MORN1: variants seen among roughly 807,000 people sequenced by gnomAD.
MORN1 encodes the protein MORN repeat containing 1.
In MORN1, 67 loss-of-function variants were observed where a neutral mutation model predicts 61.9. The observed-to-expected ratio is 1.08, with a 90% confidence interval of 0.89 to 1.33. The LOEUF is 1.33. Among genes scored for constraint, MORN1 ranks in the 40% most tolerant of loss-of-function variants. MORN1 has a pLI of 0.00. For synonymous variants in MORN1, 301 were observed against 292.0 expected (o/e 1.03, Z -0.31); for missense variants, 752 against 691.2 (o/e 1.09, Z -0.99).
chr1:2,349,830 C>T (rs1427115565), intron 10 of MORN1, among the ~76,000 whole-genome samples: 1 of 152,166 alleles, frequency 6.6e-6, no homozygotes, highest in East Asian at 1.9e-4. Flanking sequence ...ATTTGTCCAA[C>T]ACGTGTAAGA....
intron 10 of MORN1, among the ~76,000 whole-genome samples, chr1:2,349,878 G>T (rs969757691): frequency 3.9e-5 from 6 of 152,242 alleles, no homozygotes; most frequent in African/African-American, 1.4e-4. Flanking sequence ...TCACTGGGAG[G>T]GTTTTGTGCA....
intron 12 of MORN1, among the ~76,000 whole-genome samples, chr1:2,324,932 A>C (rs1157767076): frequency 6.6e-6 from 1 of 151,412 alleles, no homozygotes; most frequent in Non-Finnish European, 1.5e-5. Flanking sequence ...GGACGTGGCC[A>C]TGGCCCTGGC....
intron 6 of MORN1, chr1:2,376,646 T>C (rs1642244606): frequency 6.6e-6 from 1 of 152,170 alleles, no homozygotes; most frequent in Non-Finnish European, 1.5e-5. Context: ...CTCACGTATG[T>C]GGCACGAGCC....
At chr1:2,378,930 G>A in intron 6 of MORN1, 1 of 458,728 alleles carries the variant, frequency 2.2e-6, no homozygotes, top group Non-Finnish European at 4.4e-6. Flanking sequence ...CTGTGGAAGA[G>A]GAGCCTTCTC....
At chr1:2,321,650 C>A in intron 13 of MORN1, 71 bp from the exon 14 acceptor site, 1 of 1,418,288 alleles carries the variant, frequency 7.1e-7, no homozygotes, top group South Asian at 1.5e-5. Flanking sequence ...AGCCCACTGC[C>A]CACTGTCTCA....
intron 10 of MORN1, among the ~76,000 whole-genome samples, chr1:2,341,122 A>T (rs1220091913): frequency 6.6e-6 from 1 of 151,986 alleles, no homozygotes; most frequent in Non-Finnish European, 1.5e-5. Context: ...GCTCCTCCCG[A>T]CGGAGCCTCT....
rs1029306427 is a variant in MORN1, at chr1:2,385,851, G to A, written c.405C>T (p.Ser135=). Residue 135 remains serine, a synonymous_variant, in exon 5 of 14, where the codon TCC becomes TCT. Coordinates refer to ENST00000378531, the MANE Select transcript of MORN1 (RefSeq NM_024848.3). Reference sequence around the variant, plus strand: ...GGCCGTGCCTCTTGTTGTCATGGAAGGAGCCCTGGTACACTTGTCCATCCC... The same window carrying A: ...GGCCGTGCCTCTTGTTGTCATGGAAAGAGCCCTGGTACACTTGTCCATCCC... ...VDRDGQVYQG[S]FHDNKRHGPG... 3 of 1,613,850 alleles carry A rather than the reference G, an allele frequency of 1.9e-6. No homozygotes were observed. The highest frequency in any genetic ancestry group is 1.7e-5 in the Admixed American group (1 of 60,006).
rs1641301296 is a variant in MORN1, at chr1:2,337,251, T to C, written c.1037-401A>G. ...TCAACAGTACAGCTGTGTGCCCTCC[T>C]CGGAGCGCAGCATGAGGAGGAAGAT... On this transcript the variant is annotated intron_variant, in intron 10 of 13. Coordinates refer to ENST00000378531, the MANE Select transcript of MORN1 (RefSeq NM_024848.3). The surrounding 1 kb of genome is among the most constrained non-coding windows in gnomAD (Gnocchi z 5.7). 6.6e-6 allele frequency among the ~76,000 whole-genome samples: 1 copy of C among 152,130 alleles called. No individual in the cohort carries two copies. Among genetic ancestry groups the C allele is most frequent in the Non-Finnish European group, 1.5e-5 (1 of 68,010 alleles).
chr1:2,384,240 CAACCTT>C (rs1642435972), intron 6 of MORN1, among the ~76,000 whole-genome samples: 1 of 152,166 alleles, frequency 6.6e-6, no homozygotes, highest in Non-Finnish European at 1.5e-5. Context: ...GCTCAGGCAC[CAACCTT>C]GACTCTTCTC....
intron 10 of MORN1, among the ~76,000 whole-genome samples, chr1:2,345,491 A>G (rs1211921560): frequency 6.6e-6 from 1 of 152,176 alleles, no homozygotes; most frequent in Non-Finnish European, 1.5e-5. Context: ...CAGGCTCTGC[A>G]CCGGGGGACC....
chr1:2,384,589 C>T (rs111752921), intron 6 of MORN1, among the ~76,000 whole-genome samples: 36 of 152,358 alleles, frequency 2.4e-4, no homozygotes, highest in African/African-American at 5.8e-4. Context: ...ATCGCCGAGG[C>T]GCAGAGGCTC....
At chr1:2,321,909 C>G (rs752610726) in intron 13 of MORN1, 155 of 652,556 alleles carry the variant, frequency 2.4e-4, no homozygotes, top group Non-Finnish European at 2.8e-4. Flanking sequence ...CGCTCTCAAG[C>G]CCCCACTGCT....
intron 12 of MORN1, 54 bp from the exon 13 acceptor site, chr1:2,324,197 A>G (rs2100217220): frequency 3.3e-6 from 5 of 1,536,126 alleles, no homozygotes; most frequent in South Asian, 2.4e-5. Context: ...CCCCGACGAC[A>G]TGGCATCCCT....
intron 10 of MORN1, chr1:2,355,421 G>A: frequency 1.3e-6 from 2 of 1,550,376 alleles, no homozygotes; most frequent in East Asian, 2.4e-5. Flanking sequence ...TCTCACAGCT[G>A]TTGTCTGGAA....
intron 10 of MORN1, chr1:2,355,497 C>G (rs567231040): frequency 5.2e-6 from 8 of 1,549,758 alleles, no homozygotes; most frequent in Non-Finnish European, 7.0e-6. Flanking sequence ...CTCTGAGGCT[C>G]TGGGGCTTCT....
intron 12 of MORN1, chr1:2,332,004 C>CGCCTCTCCCGCCGCTGT (rs1641167735): frequency 3.5e-5 from 6 of 172,716 alleles, no homozygotes; most frequent in East Asian, 1.9e-4. Flanking sequence ...CCCGCCGCTG[C>CGCCTCTCCCGCCGCTGT]GCCTCTCCCG....
chr1:2,325,307 T>C lies in MORN1; in HGVS notation c.1251-1164A>G, dbSNP rs1439526976. 9.4e-5 allele frequency among the ~76,000 whole-genome samples: 14 copies of C among 149,376 alleles called. 1 individual carries two copies. The South Asian group carries it at 3.1e-3, about 33-fold the overall frequency. ...TCTCTCCTCTCTCTCTCTCTCTCTT[T>C]TTCTCTCCTTTCTTTCTCTAGATAG... On this transcript the variant is annotated intron_variant, in intron 12 of 13. Coordinates refer to ENST00000378531, the MANE Select transcript of MORN1 (RefSeq NM_024848.3).
chr1:2,378,000 G>C (rs978925611), intron 6 of MORN1: 1 of 152,394 alleles, frequency 6.6e-6, no homozygotes, highest in African/African-American at 2.4e-5. Flanking sequence ...CCTGGGCCCT[G>C]CGACTGCTCA....
At chr1:2,373,443 C>T (rs1431292460) in intron 7 of MORN1, among the ~76,000 whole-genome samples, 2 of 152,228 alleles carry the variant, frequency 1.3e-5, no homozygotes, top group Admixed American at 6.5e-5. Flanking sequence ...TCCTGCACCT[C>T]TTGCCCCGTT....
Sources: gnomAD v4.1 joint callset for allele counts (sites outside exome capture counted in the v4.1 genomes callset) on GRCh38, gnomAD v4.1.1 for gene constraint, Gnocchi (gnomAD v3.1) non-coding constraint, MANE v1.5 for transcripts, NCBI Gene and HGNC (gene_info 2026-07-23, HGNC 2026-07-21) for gene names.